RYR2: variants seen among roughly 807,000 people sequenced by gnomAD.
RYR2 encodes ryanodine receptor 2, also known as cardiac muscle ryanodine receptor-calcium release channel.
Under a neutral mutation model 601.1 loss-of-function variants are expected in RYR2, and 227 were observed. That is an observed-to-expected ratio of 0.38 (90% confidence interval 0.34 to 0.42). The LOEUF is 0.42. Ranked by LOEUF, RYR2 falls within the 10% of genes least tolerant of loss-of-function variation. The pLI is 1.00. For synonymous variants in RYR2, 2,223 were observed against 2,175.1 expected, an observed-to-expected ratio of 1.02 and a Z score of -0.61; for missense variants, 4,646 against 6,156.5, an observed-to-expected ratio of 0.75 and a Z score of 8.21.
chr1:237,256,511 G>C (rs1018156226), intron 1 of RYR2, among the ~76,000 whole-genome samples: 1 of 152,134 alleles, frequency 6.6e-6, no homozygotes, highest in East Asian at 1.9e-4. Context: ...ATCTGGGGCT[G>C]GCTGTGCCCT....
rs552531154 is a variant in RYR2, at chr1:237,358,278, A to T, written c.294+2293A>T. Among the ~76,000 whole-genome samples the T allele has an allele frequency of 2.2e-3, 331 of 152,292 alleles. 2 individuals are homozygous for T. Among genetic ancestry groups the T allele is most frequent in the Non-Finnish European group, 3.5e-3 (235 of 68,022 alleles). ...TGTATAATAGGTGAACTTGAAGCTA[A>T]TTCAAGTTAACTTGTCAGGAATCGA... is the stretch of plus-strand genomic sequence containing the variant. On this transcript the variant is annotated intron_variant, in intron 4 of 104. Coordinates refer to ENST00000366574, the MANE Select transcript of RYR2 (RefSeq NM_001035.3).
At chr1:237,409,616 A>C (rs10737816) in intron 10 of RYR2, among the ~76,000 whole-genome samples, 60,361 of 151,902 alleles carry the variant, frequency 0.4, 13,851 homozygotes, top group African/African-American at 0.65. Flanking sequence ...TTTTGTTTAG[A>C]TTATGAAATA....
Position 237,700,395 on chromosome 1 carries a change from G to C in RYR2, c.9295G>C (p.Val3099Leu), listed in dbSNP as rs745616771. The C allele has an allele frequency of 5.6e-6, 9 of 1,609,698 alleles. No homozygotes were observed. The Admixed American group carries it at 1.5e-4, about 27-fold the overall frequency. ...GVTQIINYTTVALLPMLSSLF... is the reference protein window; with the variant it reads ...GVTQIINYTTLALLPMLSSLF... The stretch of plus-strand genomic sequence containing the variant: ...TACTCAGATTATCAATTACACCACA[G>C]TGGCCCTGCTGCCAATGCTGTCTTC... The change falls in exon 65 of 105, where the codon GTG (valine) becomes CTG (leucine). Residue 3099 changes from valine (V) to leucine (L), a missense_variant. By Grantham distance (32) the Val-to-Leu change is conservative. Transcript: ENST00000366574.
intron 71 of RYR2, among the ~76,000 whole-genome samples, chr1:237,713,571 G>A (rs1024243385): frequency 4.6e-5 from 7 of 151,892 alleles, no homozygotes; most frequent in African/African-American, 1.2e-4. Context: ...GTTAATTTTC[G>A]TATTTTTAGT....
At chr1:237,291,702 C>A (rs899149955) in intron 2 of RYR2, among the ~76,000 whole-genome samples, 2 of 152,150 alleles carry the variant, frequency 1.3e-5, no homozygotes, top group South Asian at 2.1e-4. Flanking sequence ...CATAATACGA[C>A]ATTCTGGAAC....
chr1:237,773,812 T>G (rs944369821), intron 87 of RYR2, among the ~76,000 whole-genome samples, 164 bp downstream of exon 87: 30 of 152,162 alleles, frequency 2.0e-4, no homozygotes, highest in African/African-American at 7.0e-4. Context: ...TGGAATGAAA[T>G]TGCTTCACCA....
At chr1:237,749,460 A>T (rs934919651) in intron 80 of RYR2, among the ~76,000 whole-genome samples, 1 of 133,320 alleles carries the variant, frequency 7.5e-6, no homozygotes, top group African/African-American at 2.6e-5. Flanking sequence ...ATTATTAATC[A>T]ATTTCACTTT....
chr1:237,530,508 G>C lies in RYR2; in HGVS notation c.2904G>C (p.Lys968Asn), dbSNP rs768807940. The C allele has an allele frequency of 2.5e-6, 4 of 1,592,164 alleles. No homozygotes were observed. The highest frequency in any genetic ancestry group is 2.6e-6 in the Non-Finnish European group (3 of 1,166,946). Residue 968 changes from lysine (K) to asparagine (N), a missense_variant and splice_region_variant, in exon 25 of 105, where the codon AAG (lysine) becomes AAC (asparagine). Coordinates refer to ENST00000366574, the MANE Select transcript of RYR2 (RefSeq NM_001035.3). ...EDKVKKMKLP[K>N]NYQLTSGYKP... ...AGGTGAAAAAAATGAAGCTACCCAAGAAGTAAGTTGAATGACTAAGCAATA... is the reference window on the plus strand; with the variant it reads ...AGGTGAAAAAAATGAAGCTACCCAACAAGTAAGTTGAATGACTAAGCAATA...
intron 10 of RYR2, among the ~76,000 whole-genome samples, chr1:237,398,566 A>G (rs1412068321): frequency 6.6e-6 from 1 of 152,222 alleles, no homozygotes; most frequent in Non-Finnish European, 1.5e-5. Context: ...ATAACACTGT[A>G]TGCTTATCAG....
At chr1:237,340,940 C>A (rs1697716506) in intron 3 of RYR2, among the ~76,000 whole-genome samples, 1 of 152,158 alleles carries the variant, frequency 6.6e-6, no homozygotes, top group Non-Finnish European at 1.5e-5. Context: ...AAAGATGCAT[C>A]TTTCAGTTTT....
At chr1:237,625,628 A>T in intron 39 of RYR2, 33 bp from the exon 40 acceptor site, 1 of 1,600,824 alleles carries the variant, frequency 6.2e-7, no homozygotes, top group Non-Finnish European at 8.5e-7. Flanking sequence ...TTCTTTAAAT[A>T]TTTTTTTCTG....
chr1:237,355,659 T>C (rs1390059591), intron 3 of RYR2, among the ~76,000 whole-genome samples: 2 of 152,120 alleles, frequency 1.3e-5, no homozygotes, highest in African/African-American at 4.8e-5. Context: ...GCCTATTACG[T>C]TTGAGAATTA....
intron 29 of RYR2, among the ~76,000 whole-genome samples, chr1:237,580,909 A>G (rs1045026855): frequency 1.3e-5 from 2 of 152,132 alleles, no homozygotes; most frequent in Non-Finnish European, 2.9e-5. Flanking sequence ...GCCTGCTGAC[A>G]CCTTAATCTT....
intron 79 of RYR2, among the ~76,000 whole-genome samples, chr1:237,738,561 T>A (rs1691341136): frequency 6.6e-6 from 1 of 152,046 alleles, no homozygotes; most frequent in Admixed American, 6.6e-5. Flanking sequence ...TTCATATATA[T>A]ATAATTTAAG....
intron 3 of RYR2, among the ~76,000 whole-genome samples, chr1:237,350,695 T>C (rs1233600210): frequency 7.0e-6 from 1 of 143,672 alleles, no homozygotes; most frequent in Admixed American, 7.1e-5. Flanking sequence ...GATGGACATT[T>C]CCCTATGTTA....
In RYR2 at chr1:237,469,080, C is replaced by A. The variant is rs1343902398; in HGVS notation, c.1613-12C>A. On this transcript the variant is annotated splice_polypyrimidine_tract_variant and intron_variant, in intron 16 of 104. Transcript: ENST00000366574. ...AATCACATAAAGGTGAAATCTATTT[C>A]TTCTTTTGCAGCGGCTCTAATTAGA... 3.1e-6 allele frequency: 5 copies of A among 1,609,588 alleles called. No homozygotes were observed. The highest frequency in any genetic ancestry group is 4.5e-5 in the East Asian group (2 of 44,812).
intron 35 of RYR2, among the ~76,000 whole-genome samples, chr1:237,602,552 G>A (rs1676625655): frequency 6.6e-6 from 1 of 152,206 alleles, no homozygotes; most frequent in Admixed American, 6.5e-5. Flanking sequence ...ATTACTAACT[G>A]TAAAATAGAA....
At chr1:237,210,389 T>C (rs1572213877) in intron 1 of RYR2, among the ~76,000 whole-genome samples, 2 of 144,872 alleles carry the variant, frequency 1.4e-5, no homozygotes, top group South Asian at 2.1e-4. Context: ...CAAAGGTCTG[T>C]TTTTTTTCTT....
intron 1 of RYR2, among the ~76,000 whole-genome samples, chr1:237,201,366 T>C (rs1681174816): frequency 1.3e-5 from 2 of 152,206 alleles, no homozygotes; most frequent in South Asian, 4.1e-4. Context: ...TCCCTAATAG[T>C]TCTGGACAGA....
Sources: gnomAD v4.1 joint callset for allele counts (sites outside exome capture counted in the v4.1 genomes callset) on GRCh38, gnomAD v4.1.1 for gene constraint, MANE v1.5 for transcripts, NCBI Gene and HGNC (gene_info 2026-07-23, HGNC 2026-07-21) for gene names.